The following ANK3 variants were observed in gnomAD, a reference collection of about 807,000 sequenced individuals.
ANK3 encodes the protein ankyrin-3.
A neutral mutation model predicts 370.9 loss-of-function variants in ANK3; 57 were observed. The ratio of observed to expected loss-of-function variants is 0.15; its 90% CI spans 0.12 to 0.19. The LOEUF (loss-of-function observed/expected upper bound fraction) is 0.19, where lower values mean the gene tolerates loss of function less well. Ranked by LOEUF, ANK3 falls within the 10% of genes least tolerant of loss-of-function variation. The pLI, the probability that ANK3 is intolerant of heterozygous loss-of-function variation, is 1.00. For missense variants in ANK3, 4,439 were observed against 5,302.1 expected (o/e 0.84, Z 5.06); for synonymous variants, 1,929 against 1,946.3 (o/e 0.99, Z 0.23).
At chr10:60,139,407 T>TTCCTC (rs1176155551) in intron 23 of ANK3, 32 of 260,198 alleles carry the variant, frequency 1.2e-4, no homozygotes, top group African/African-American at 4.7e-4. Context: ...AGTTATAGTT[T>TTCCTC]TCCTCACCTC....
At chr10:60,140,717 A>T in intron 23 of ANK3, 1 of 1,187,748 alleles carries the variant, frequency 8.4e-7, no homozygotes, top group Non-Finnish European at 1.0e-6. Flanking sequence ...AGCCTCTAGC[A>T]GGACAGAATG....
rs7922387 is a variant in ANK3 at position 60,109,128 on chromosome 10, G to T, written c.2949-74C>A. ...CTCACAGCAAGTTTGGAAATTAAAT[G>T]TTTAAGTTTATTTAAAGCGACAGAC... On this transcript the variant is annotated intron_variant, in intron 26 of 43. Coordinates refer to ENST00000280772, the MANE Select transcript of ANK3 (RefSeq NM_020987.5). The T allele has an allele frequency of 4.0e-4, 472 of 1,177,786 alleles. 4 individuals carry two copies. In the East Asian group the frequency reaches 0.01, roughly 25 times the overall value. The allele number at this position is 1,177,786 out of a possible 1,614,324, so 73.0% of individuals were successfully genotyped here.
At chr10:60,236,996 G>T (rs1389377282) in intron 7 of ANK3, among the ~76,000 whole-genome samples, 2 of 152,212 alleles carry the variant, frequency 1.3e-5, no homozygotes, top group African/African-American at 4.8e-5. Flanking sequence ...CAGTGCGCTG[G>T]ATTTGGCCTG....
Position 60,292,512 on chromosome 10 carries a change from T to G in ANK3, c.115-12873A>C, listed in dbSNP as rs1474275930. Among the ~76,000 whole-genome samples the G allele has an allele frequency of 2.6e-5, 4 of 152,152 alleles. No homozygotes were observed. In the East Asian group the frequency reaches 7.7e-4, roughly 29 times the overall value. On this transcript the variant is annotated intron_variant, in intron 1 of 43. Transcript: ENST00000280772. ...CTTTGGAAAAGTGTAATCATGTTTA[T>G]TTCAGGGAATTATTTTCCCCATTGA...
chr10:60,085,014 T>C (rs563154311), intron 31 of ANK3, 143 bp downstream of exon 31: 2 of 781,764 alleles, frequency 2.6e-6, no homozygotes, highest in Non-Finnish European at 3.9e-6. Context: ...TGTTTGTTAT[T>C]TGAGGATAAT....
chr10:60,377,901 C>G (rs1421933320), intron 1 of ANK3, among the ~76,000 whole-genome samples: 1 of 152,194 alleles, frequency 6.6e-6, no homozygotes, highest in African/African-American at 2.4e-5. Context: ...CAATGTTTGA[C>G]ACCTACCAAT....
intron 2 of ANK3, among the ~76,000 whole-genome samples, chr10:60,517,211 C>T (rs757448582): frequency 3.9e-4 from 59 of 152,046 alleles, no homozygotes; most frequent in Non-Finnish European, 6.0e-4. Context: ...ACTGCAGACA[C>T]GTGCCACCAC....
At chr10:60,235,521 A>G (rs1184890019) in intron 7 of ANK3, among the ~76,000 whole-genome samples, 5 of 149,312 alleles carry the variant, frequency 3.3e-5, no homozygotes, top group East Asian at 3.9e-4. Flanking sequence ...AAATGTACGC[A>G]TACATCAAAA....
chr10:60,469,001 A>ATATATATATATATT (rs2065080897), intron 2 of ANK3, among the ~76,000 whole-genome samples: 1 of 44,648 alleles, frequency 2.2e-5, no homozygotes. Flanking sequence ...TAGTGTGTAT[A>ATATATATATATATT]TATATATATA....
At chr10:60,211,440 G>C (rs2096852794) in intron 9 of ANK3, among the ~76,000 whole-genome samples, 1 of 152,054 alleles carries the variant, frequency 6.6e-6, no homozygotes, top group Admixed American at 6.6e-5. Context: ...GCCACTAATT[G>C]GGATATTTTG....
chr10:60,712,602 A>G (rs1321258868), intron 1 of ANK3, among the ~76,000 whole-genome samples: 2 of 152,218 alleles, frequency 1.3e-5, no homozygotes, highest in Non-Finnish European at 2.9e-5. Context: ...TATGGTAGAT[A>G]TTAACACAAC....
At chr10:60,564,571 A>C (rs1407085177) in intron 2 of ANK3, among the ~76,000 whole-genome samples, 1 of 152,226 alleles carries the variant, frequency 6.6e-6, no homozygotes, top group Non-Finnish European at 1.5e-5. Context: ...GGACCAGATA[A>C]GAATACAATA....
intron 33 of ANK3, among the ~76,000 whole-genome samples, chr10:60,083,183 T>C (rs947036730): frequency 1.3e-5 from 2 of 152,230 alleles, no homozygotes; most frequent in Admixed American, 6.5e-5. Flanking sequence ...TTGCATTTCA[T>C]CCATTATTTG....
At chr10:60,307,961 T>C (rs909389762) in intron 1 of ANK3, among the ~76,000 whole-genome samples, 1 of 152,242 alleles carries the variant, frequency 6.6e-6, no homozygotes, top group African/African-American at 2.4e-5. Context: ...TTTATATCAC[T>C]GATGTGACTC....
chr10:60,035,591 G>A (rs1439889200), intron 43 of ANK3, among the ~76,000 whole-genome samples: 1 of 151,934 alleles, frequency 6.6e-6, no homozygotes, highest in African/African-American at 2.4e-5. Flanking sequence ...GTGAGCTCAA[G>A]GTTACACAGC....
At chr10:60,634,860 G>T (rs879042316) in intron 1 of ANK3, among the ~76,000 whole-genome samples, 1 of 151,808 alleles carries the variant, frequency 6.6e-6, no homozygotes, top group Non-Finnish European at 1.5e-5. Flanking sequence ...GAAAGTCTGC[G>T]GCCTCACTCC....
At chr10:60,432,046 A>G (rs1477753536) in intron 2 of ANK3, among the ~76,000 whole-genome samples, 2 of 152,340 alleles carry the variant, frequency 1.3e-5, no homozygotes, top group African/African-American at 4.8e-5. Context: ...AGAGGTGATC[A>G]ATAAACATTA....
At chr10:60,216,300 T>C (rs1191669862) in intron 8 of ANK3, among the ~76,000 whole-genome samples, 2 of 152,186 alleles carry the variant, frequency 1.3e-5, no homozygotes, top group African/African-American at 4.8e-5. Flanking sequence ...TCCAACATTA[T>C]GTCAAATAGG....
intron 2 of ANK3, among the ~76,000 whole-genome samples, chr10:60,459,230 G>A (rs2064824822): frequency 6.6e-6 from 1 of 152,118 alleles, no homozygotes; most frequent in Admixed American, 6.6e-5. Context: ...CTTGGTCTGA[G>A]GGTGAAAAGC....
Sources: gnomAD v4.1 joint callset for allele counts (sites outside exome capture counted in the v4.1 genomes callset) on GRCh38, gnomAD v4.1.1 for gene constraint, MANE v1.5 for transcripts, NCBI Gene and HGNC (gene_info 2026-07-23, HGNC 2026-07-21) for gene names.